The following CELSR2 variants were observed in gnomAD, a reference collection of about 807,000 sequenced individuals.
CELSR2 encodes the protein EGF-like protein 2.
Under a neutral mutation model 251.6 loss-of-function variants are expected in CELSR2, and 81 were observed. The observed-to-expected ratio is 0.32, with a 90% CI of 0.27 to 0.39. The LOEUF (loss-of-function observed/expected upper bound fraction) is 0.39. CELSR2 is among the 10% of genes least tolerant of loss of function. CELSR2 has a pLI of 1.00. For synonymous variants in CELSR2, 1,721 were observed against 1,670.5 expected (o/e 1.03, Z -0.74); for missense variants, 3,365 against 3,947.7 (o/e 0.85, Z 3.96).
At position 109,274,098 on chromosome 1, in the gene CELSR2, G is replaced by A. The variant is rs758945867; in HGVS notation, c.*49G>A. The A allele has an allele frequency of 3.5e-5, 57 of 1,613,226 alleles. No individual in the cohort carries two copies. The highest frequency in any genetic ancestry group is 1.3e-4 in the Admixed American group (8 of 59,968). ...CGAGGCTCCCTTCCCTTCCCCAGCC[G>A]CACTCATGCCCTGCTCCTGTCTTGT... is the stretch of plus-strand genomic sequence containing the variant. On this transcript the variant is annotated 3_prime_UTR_variant, in exon 34 of 34. Coordinates refer to ENST00000271332, the MANE Select transcript of CELSR2 (RefSeq NM_001408.3).
At position 109,251,149 on chromosome 1, in the gene CELSR2, G is replaced by A. The variant is rs1177673215; in HGVS notation, c.1070G>A (p.Arg357Gln). The change falls in exon 1 of 34, where the codon CGG becomes CAG. Residue 357 changes from arginine to glutamine, a missense_variant. Arg to Gln is a conservative substitution (Grantham distance 43, BLOSUM62 1). This residue lies in a region of CELSR2 where 704 missense variants were observed against 784.1 expected (regional missense o/e 0.90). Coordinates refer to ENST00000271332, the MANE Select transcript of CELSR2 (RefSeq NM_001408.3). The surrounding 1 kb of genome is among the most constrained non-coding windows in gnomAD (Gnocchi z 4.9). The stretch of plus-strand genomic sequence containing the variant: ...ATCCGAACCCGTGGCCCTGTGGATC[G>A]GGAAGAGGTGGAATCCTACCAGCTG... ...GVIRTRGPVD[R>Q]EEVESYQLTV... is the part of the protein sequence containing the mutation. 4.3e-6 allele frequency: 7 copies of A among 1,613,162 alleles called. No homozygotes were observed. Among genetic ancestry groups the A allele is most frequent in the East Asian group, 2.2e-5 (1 of 44,890 alleles).
Position 109,261,090 on chromosome 1 carries a change from T to C in CELSR2, c.4007T>C (p.Val1336Ala), listed in dbSNP as rs1429642069. ...SARSGRCTPG[V>A]CKNGGTCVNL... ...CGCTCAGGCCGTTGCACCCCGGGTG[T>C]CTGCAAGAATGGGGGCACCTGTGTC... The change falls in exon 3 of 34, where the codon GTC becomes GCC. Residue 1336 changes from valine to alanine, a missense_variant. Val to Ala is a moderately conservative substitution (Grantham distance 64). Transcript: ENST00000271332. This position sits in a 1 kb window ranked among gnomAD's most constrained non-coding sequence, Gnocchi z 4.8. 1 of 1,614,056 alleles carries C rather than the reference T, an allele frequency of 6.2e-7. No individual in the cohort carries two copies. Among genetic ancestry groups the C allele is most frequent in the Non-Finnish European group, 8.5e-7 (1 of 1,179,980 alleles).
At chr1:109,256,303 G>A (rs948976649) in intron 1 of CELSR2, among the ~76,000 whole-genome samples, 3 of 152,206 alleles carry the variant, frequency 2.0e-5, no homozygotes, top group Non-Finnish European at 2.9e-5. Flanking sequence ...AACAGCCTGT[G>A]CAGCAGCTTT....
intron 5 of CELSR2, 126 bp from the exon 6 acceptor site, chr1:109,262,161 G>A: frequency 7.6e-7 from 1 of 1,319,220 alleles, no homozygotes; most frequent in Non-Finnish European, 1.0e-6. Context: ...ACACGTGTGT[G>A]TATATGCATG....
intron 17 of CELSR2, 78 bp from the exon 18 acceptor site, chr1:109,268,503 G>A (rs901038243): frequency 1.9e-5 from 28 of 1,489,180 alleles, no homozygotes; most frequent in South Asian, 1.5e-4. Context: ...GGACTGGCCC[G>A]GGCACAGGCC....
intron 8 of CELSR2, 73 bp downstream of exon 8, chr1:109,263,340 G>A: frequency 6.6e-7 from 1 of 1,521,084 alleles, no homozygotes; most frequent in Non-Finnish European, 8.8e-7. Flanking sequence ...GGTTGGGGCA[G>A]GCACTGGGCA....
Position 109,252,316 on chromosome 1 carries a change from G to C in CELSR2, c.2237G>C (p.Arg746Pro), listed in dbSNP as rs202175893. 6.2e-7 allele frequency: 1 copy of C among 1,613,106 alleles called. No homozygotes were observed. Among genetic ancestry groups the C allele is most frequent in the East Asian group, 2.2e-5 (1 of 44,884 alleles). The change falls in exon 1 of 34, where the codon CGC becomes CCC. Residue 746 changes from arginine (R) to proline (P), a missense_variant. Physicochemically the swap from Arg to Pro is moderately radical, Grantham distance 103. Coordinates refer to ENST00000271332, the MANE Select transcript of CELSR2 (RefSeq NM_001408.3). The surrounding 1 kb of genome is among the most constrained non-coding windows in gnomAD (Gnocchi z 4.8). ...ATDEDTGENARITYFMEDSIP... is the reference protein window; with the variant it reads ...ATDEDTGENAPITYFMEDSIP... Reference sequence around the variant, plus strand: ...GATGAGGACACAGGTGAGAATGCCCGCATCACCTACTTCATGGAGGACAGC... The same window carrying C: ...GATGAGGACACAGGTGAGAATGCCCCCATCACCTACTTCATGGAGGACAGC...
chr1:109,267,964 C>A lies in CELSR2; in HGVS notation c.6222C>A (p.Val2074=), dbSNP rs1656249876. ...QHTAGYFGSD[V]KVAYQLATRL... is the part of the protein sequence containing the mutation. ...CAGCTGGCTACTTCGGCAGCGACGT[C>A]AAGGTGGCCTACCAGCTGGCCACGC... The change falls in exon 17 of 34, where the codon GTC becomes GTA. Residue 2074 remains valine (V), a synonymous_variant. Coordinates refer to ENST00000271332, the MANE Select transcript of CELSR2 (RefSeq NM_001408.3). 1.2e-6 allele frequency: 2 copies of A among 1,611,652 alleles called. No individual in the cohort carries two copies. Among genetic ancestry groups the A allele is most frequent in the South Asian group, 2.2e-5 (2 of 91,042 alleles).
Position 109,249,947 on chromosome 1 carries a change from GCC to G in CELSR2, c.-130_-129del. On this transcript the variant is annotated 5_prime_UTR_variant, in exon 1 of 34. Coordinates refer to ENST00000271332, the MANE Select transcript of CELSR2 (RefSeq NM_001408.3). ...GTCCCGCCGAGCCATCCAGACGCAG[GCC>G]CCGCGGGGCGCACGGGAGGCCCCCG... The G allele has an allele frequency of 1.2e-6, 1 of 827,926 alleles. No homozygotes were observed. The highest frequency in any genetic ancestry group is 5.9e-5 in the South Asian group (1 of 16,962). The allele number at this position is 827,926 out of a possible 1,614,324, so 51.3% of individuals were successfully genotyped here.
rs1216866819 is a variant in CELSR2 at position 109,258,990 on chromosome 1, A to G, written c.3869A>G (p.Asp1290Gly). ...FTGDYCETEVDLCYSRPCGPH... is the reference protein window; with the variant it reads ...FTGDYCETEVGLCYSRPCGPH... ...GGTGACTACTGCGAGACCGAGGTGG[A>G]CCTCTGCTACTCGCGGCCCTGTGGC... The change falls in exon 2 of 34, where the codon GAC (aspartate) becomes GGC (glycine). Residue 1290 changes from aspartate to glycine, a missense_variant. Physicochemically the swap from Asp to Gly is moderately conservative, Grantham distance 94 (BLOSUM62 -1). Coordinates refer to ENST00000271332, the MANE Select transcript of CELSR2 (RefSeq NM_001408.3). 1 of 1,607,816 alleles carries G rather than the reference A, an allele frequency of 6.2e-7. No homozygotes were observed. Among genetic ancestry groups the G allele is most frequent in the Non-Finnish European group, 8.5e-7 (1 of 1,179,300 alleles).
At position 109,253,370 on chromosome 1, in the gene CELSR2, C is replaced by T. The variant is rs758636168; in HGVS notation, c.3291C>T (p.Ile1097=). The part of the protein sequence containing the change: ...ALDNNRPLEA[I]MSVLVSDGVH... ...ACAACAACCGGCCTCTGGAGGCCAT[C>T]ATGAGCGTGCTGGTGTCAGGTAAGG... The change falls in exon 1 of 34, where the codon ATC becomes ATT. Residue 1097 remains isoleucine, a synonymous_variant. Transcript: ENST00000271332. The T allele has an allele frequency of 3.1e-6, 5 of 1,612,782 alleles. No homozygotes were observed. Among genetic ancestry groups the T allele is most frequent in the Non-Finnish European group, 4.2e-6 (5 of 1,179,906 alleles).
rs770985490 is a variant in CELSR2 at position 109,250,280 on chromosome 1, C to G, written c.201C>G (p.Leu67=). Residue 67 remains leucine, a synonymous_variant, in exon 1 of 34, where the codon CTC becomes CTG. Transcript: ENST00000271332. This position sits in a 1 kb window ranked among gnomAD's most constrained non-coding sequence, Gnocchi z 4.4. Reference sequence around the variant, plus strand: ...CATCCTCAGCGTCGAACCTCTGGCTCTACACCAGCCGCTGCAGGGATGCGG... The same window carrying G: ...CATCCTCAGCGTCGAACCTCTGGCTGTACACCAGCCGCTGCAGGGATGCGG... The part of the protein sequence containing the change: ...LCPSSASNLW[L]YTSRCRDAGT... 8.7e-6 allele frequency: 14 copies of G among 1,613,100 alleles called. No homozygotes were observed. The South Asian group carries it at 1.3e-4, about 15-fold the overall frequency.
rs1557737330 is a variant in CELSR2, at chr1:109,271,522, C to T, written c.7803+10C>T. ...CTGCAATTGCATCCAGGTACCTGGCCCAGCCTGTGGAGAAGGGAGGCACCT... is the reference window on the plus strand; with the variant it reads ...CTGCAATTGCATCCAGGTACCTGGCTCAGCCTGTGGAGAAGGGAGGCACCT... On this transcript the variant is annotated intron_variant, in intron 27 of 33. Coordinates refer to ENST00000271332, the MANE Select transcript of CELSR2 (RefSeq NM_001408.3). 4 of 1,614,050 alleles carry T rather than the reference C, an allele frequency of 2.5e-6. No homozygotes were observed. Among genetic ancestry groups the T allele is most frequent in the Non-Finnish European group, 3.4e-6 (4 of 1,180,026 alleles).
At position 109,263,740 on chromosome 1, in the gene CELSR2, A is replaced by G; in HGVS notation, c.4964A>G (p.Gln1655Arg). 6.2e-7 allele frequency: 1 copy of G among 1,613,728 alleles called. No homozygotes were observed. The highest frequency in any genetic ancestry group is 8.5e-7 in the Non-Finnish European group (1 of 1,179,982). ...RTRQADGVLL[Q>R]AITRGRSTIT... The stretch of plus-strand genomic sequence containing the variant: ...CGCCAGGCCGACGGTGTCCTGCTGC[A>G]GGCCATCACCAGGGGGCGCAGCACC... The change falls in exon 9 of 34, where the codon CAG becomes CGG. Residue 1655 changes from glutamine to arginine, a missense_variant. This residue lies in a region of CELSR2 where 2,093 missense variants were observed against 2,382.8 expected (regional missense o/e 0.88). Transcript: ENST00000271332.
Position 109,262,273 on chromosome 1 carries a change from T to C in CELSR2, c.4387-14T>C. 6.2e-7 allele frequency: 1 copy of C among 1,612,952 alleles called. No individual in the cohort carries two copies. The highest frequency in any genetic ancestry group is 1.1e-5 in the South Asian group (1 of 91,044). On this transcript the variant is annotated splice_polypyrimidine_tract_variant and intron_variant, in intron 5 of 33. Transcript: ENST00000271332. ...TACTCAGTGTCCCCCTTCTCTGCTC[T>C]TTCCTGTCCACAGCCACTGTTGGGT...
At chr1:109,267,432 T>C in intron 15 of CELSR2, 116 bp from the exon 16 acceptor site, 1 of 862,706 alleles carries the variant, frequency 1.2e-6, no homozygotes, top group Non-Finnish European at 1.8e-6. Context: ...GGCCCTTGTT[T>C]GCTAGTTACT....
In CELSR2 at chr1:109,273,291, G is replaced by A. The variant is rs146906622; in HGVS notation, c.8464G>A (p.Gly2822Arg). 357 of 1,603,208 alleles carry A rather than the reference G, an allele frequency of 2.2e-4. 1 individual carries two copies. In the African/African-American group the frequency reaches 4.0e-3, roughly 18 times the overall value. The change falls in exon 32 of 34, where the codon GGG becomes AGG. Residue 2822 changes from glycine (G) to arginine (R), a missense_variant. Physicochemically the swap from Gly to Arg is moderately radical, Grantham distance 125. Around this residue, in one of 5 missense-constraint regions of CELSR2, gnomAD observed 2,093 missense variants for 2,382.8 expected, o/e 0.88. Transcript: ENST00000271332. ...RENGDALSREGSLGPLPGSSA... is the reference protein window; with the variant it reads ...RENGDALSRERSLGPLPGSSA... ...GAATGGAGATGCCCTGTCTCGAGAGGGGTCCCTAGGCCCCCTTCCAGGCTC... is the reference window on the plus strand; with the variant it reads ...GAATGGAGATGCCCTGTCTCGAGAGAGGTCCCTAGGCCCCCTTCCAGGCTC...
chr1:109,263,964 A>T, intron 9 of CELSR2, 114 bp from the exon 10 acceptor site: 1 of 1,433,040 alleles, frequency 7.0e-7, no homozygotes, highest in Non-Finnish European at 9.3e-7. Context: ...TTTCCTCTCT[A>T]TGGCCTCAGC....
chr1:109,270,817 G>A, intron 24 of CELSR2, 110 bp from the exon 25 acceptor site: 1 of 1,001,228 alleles, frequency 1.0e-6, no homozygotes, highest in South Asian at 1.5e-5. Context: ...ATGGTGGGCA[G>A]AACCCTTTTC....
Sources: allele counts gnomAD v4.1 joint callset (sites outside exome capture counted in the v4.1 genomes callset), GRCh38; gene constraint gnomAD v4.1.1; regional missense constraint gnomAD v4.1.1; non-coding constraint Gnocchi (gnomAD v3.1); transcripts MANE v1.5; gene names NCBI Gene and HGNC (gene_info 2026-07-23, HGNC 2026-07-21).